The following DMD variants were observed in gnomAD, a reference collection of about 807,000 sequenced individuals.
DMD encodes dystrophin.
DMD carries 63 observed loss-of-function variants against 330.1 expected under a neutral mutation model. The observed-to-expected ratio is 0.19, with a 90% CI of 0.16 to 0.24. The LOEUF is 0.24. Ranked by LOEUF, DMD falls within the 10% of genes least tolerant of loss-of-function variation. The pLI is 1.00. For missense variants in DMD, 3,344 were observed against 2,684.1 expected (o/e 1.25, Z -5.43); for synonymous variants, 1,223 against 959.8 (o/e 1.27, Z -5.07).
At chrX:31,467,441 G>A (rs2066940120) in intron 59 of DMD, among the ~76,000 whole-genome samples, 1 of 111,743 alleles carries the variant, frequency 8.9e-6, no homozygotes, top group African/African-American at 3.3e-5. Flanking sequence ...TTTTGTCATT[G>A]GTTCTGTTTA....
At chrX:31,513,018 T>C (rs1291080842) in intron 55 of DMD, among the ~76,000 whole-genome samples, 3 of 103,938 alleles carry the variant, frequency 2.9e-5, no homozygotes, top group Non-Finnish European at 3.9e-5. Flanking sequence ...CCTTGAGCAG[T>C]GGTTTGTAGT....
chrX:33,241,918 C>T (rs1347137920), intron 1 of DMD, among the ~76,000 whole-genome samples: 1 of 110,089 alleles, frequency 9.1e-6, no homozygotes, highest in Non-Finnish European at 1.9e-5. Flanking sequence ...TGTGCCTCCA[C>T]ATTAGGCTAA....
intron 1 of DMD, among the ~76,000 whole-genome samples, chrX:33,102,799 T>C (rs2148382974): frequency 8.9e-6 from 1 of 112,115 alleles, no homozygotes; most frequent in East Asian, 2.8e-4. Context: ...TGTACATATA[T>C]ATCTACATAT....
chrX:32,754,362 A>G (rs1347050808), intron 7 of DMD, among the ~76,000 whole-genome samples: 1 of 110,337 alleles, frequency 9.1e-6, no homozygotes, highest in African/African-American at 3.3e-5. Flanking sequence ...GCATCTCAAG[A>G]TCTCAGACTT....
At chrX:32,734,186 C>T (rs1479473993) in intron 7 of DMD, among the ~76,000 whole-genome samples, 1 of 109,176 alleles carries the variant, frequency 9.2e-6, no homozygotes, top group Non-Finnish European at 1.9e-5. Context: ...AATTCCTGCA[C>T]ACATACACTC....
At chrX:31,618,769 T>C (rs2078360135) in intron 55 of DMD, among the ~76,000 whole-genome samples, 2 of 111,994 alleles carry the variant, frequency 1.8e-5, no homozygotes, top group Non-Finnish European at 3.8e-5. Context: ...GACATGATTC[T>C]CAAAGTAAAT....
chrX:31,375,098 A>T (rs1167658754), intron 60 of DMD, among the ~76,000 whole-genome samples: 1 of 111,790 alleles, frequency 8.9e-6, no homozygotes, highest in African/African-American at 3.3e-5. Flanking sequence ...CATTATTGGG[A>T]CGCTAAGCTT....
intron 20 of DMD, among the ~76,000 whole-genome samples, chrX:32,490,394 C>G (rs1010030361): frequency 5.4e-5 from 6 of 111,001 alleles, no homozygotes; most frequent in African/African-American, 2.0e-4. Flanking sequence ...ATCCTTTCAT[C>G]TCTTTCTCAG....
At chrX:31,753,734 A>G (rs954873248) in intron 51 of DMD, among the ~76,000 whole-genome samples, 2 of 112,013 alleles carry the variant, frequency 1.8e-5, no homozygotes, top group African/African-American at 6.5e-5. Context: ...ATAAATCACC[A>G]TATTTTCCAA....
intron 60 of DMD, among the ~76,000 whole-genome samples, chrX:31,422,256 TGC>T (rs1473767815): frequency 9.1e-6 from 1 of 109,363 alleles, no homozygotes; most frequent in Non-Finnish European, 1.9e-5. Flanking sequence ...GTGATCTGCC[TGC>T]CTTGGCCTCT....
intron 44 of DMD, among the ~76,000 whole-genome samples, chrX:32,197,016 A>AACAAAG (rs2097008368): frequency 9.3e-6 from 1 of 107,981 alleles, no homozygotes; most frequent in Admixed American, 9.9e-5. Flanking sequence ...CAAAAACAAA[A>AACAAAG]GAAAAAACAA....
intron 18 of DMD, among the ~76,000 whole-genome samples, chrX:32,511,383 G>T (rs1424541907): frequency 9.2e-6 from 1 of 108,205 alleles, no homozygotes; most frequent in African/African-American, 3.4e-5. Context: ...TTAGCTGGAC[G>T]TGGTGGCACG....
chrX:32,550,729 C>T (rs1424477457), intron 16 of DMD, among the ~76,000 whole-genome samples: 1 of 109,589 alleles, frequency 9.1e-6, no homozygotes, highest in African/African-American at 3.3e-5. Context: ...TAAAGATAGA[C>T]CACTACCTAG....
intron 55 of DMD, among the ~76,000 whole-genome samples, chrX:31,552,667 T>C (rs773457418): frequency 3.6e-5 from 4 of 111,920 alleles, no homozygotes; most frequent in African/African-American, 1.3e-4. Flanking sequence ...ATTCAGAACA[T>C]TTCAGTGGTG....
At chrX:32,493,417 A>G (rs1305882757) in intron 19 of DMD, among the ~76,000 whole-genome samples, 1 of 111,952 alleles carries the variant, frequency 8.9e-6, no homozygotes, top group Non-Finnish European at 1.9e-5. Flanking sequence ...TAGAATGTAA[A>G]AAGAATATAT....
intron 1 of DMD, among the ~76,000 whole-genome samples, chrX:33,321,140 G>C (rs897319367): frequency 1.8e-5 from 2 of 111,342 alleles, no homozygotes; most frequent in East Asian, 2.8e-4. Context: ...GACCTCCTCC[G>C]ATGAATCATG....
At chrX:32,365,929 C>G (rs139104772) in intron 34 of DMD, among the ~76,000 whole-genome samples, 60 of 111,469 alleles carry the variant, frequency 5.4e-4, no homozygotes, top group Admixed American at 4.8e-4. Context: ...TCATGGGTAT[C>G]TCTATTGCTG....
At chrX:31,476,654 A>G (rs756199748) in intron 59 of DMD, among the ~76,000 whole-genome samples, 1 of 110,364 alleles carries the variant, frequency 9.1e-6, no homozygotes, top group Non-Finnish European at 1.9e-5. Flanking sequence ...ATTCTCCCGC[A>G]AGGAGTTTGG....
chrX:31,808,482 C>G (rs1479200529), intron 50 of DMD, among the ~76,000 whole-genome samples: 1 of 111,637 alleles, frequency 9.0e-6, no homozygotes, highest in Non-Finnish European at 1.9e-5. Context: ...GCAGTGTCAG[C>G]TTTTTAACTA....
Sources: allele counts gnomAD v4.1 joint callset (sites outside exome capture counted in the v4.1 genomes callset), GRCh38; gene constraint gnomAD v4.1.1; transcripts MANE v1.5; gene names NCBI Gene and HGNC (gene_info 2026-07-23, HGNC 2026-07-21).